Variants in DOCK2 observed in about 807,000 individuals in gnomAD.
DOCK2 encodes dedicator of cytokinesis 2, also known as dedicator of cytokinesis protein 2.
Under a neutral mutation model 248.9 loss-of-function variants are expected in DOCK2, and 87 were observed. That is an observed-to-expected ratio of 0.35 (90% CI 0.29 to 0.42). The LOEUF (loss-of-function observed/expected upper bound fraction) is 0.42. DOCK2 is among the 10% of genes least tolerant of loss of function. The pLI, the probability that DOCK2 is intolerant of heterozygous loss-of-function variation, is 1.00. For synonymous variants in DOCK2, 805 were observed against 821.6 expected (o/e 0.98, Z 0.35); for missense variants, 1,747 against 2,300.2 (o/e 0.76, Z 4.92).
chr5:169,847,776 T>C (rs557177271), intron 27 of DOCK2, among the ~76,000 whole-genome samples: 23 of 152,204 alleles, frequency 1.5e-4, no homozygotes, highest in Non-Finnish European at 2.5e-4. Context: ...AGCTACACAT[T>C]GGCTCAGTGG....
At chr5:170,022,752 C>G (rs1214416545) in intron 33 of DOCK2, among the ~76,000 whole-genome samples, 2 of 152,190 alleles carry the variant, frequency 1.3e-5, no homozygotes, top group Non-Finnish European at 2.9e-5. Context: ...TGTTCCACAG[C>G]AGACTGTGAG....
intron 44 of DOCK2, among the ~76,000 whole-genome samples, chr5:170,060,522 T>C (rs1757292759): frequency 6.6e-6 from 1 of 152,238 alleles, no homozygotes. Flanking sequence ...CTGGTTTGGC[T>C]TGCAGTTCTC....
At chr5:169,673,050 G>A (rs1759124907) in intron 5 of DOCK2, among the ~76,000 whole-genome samples, 2 of 152,114 alleles carry the variant, frequency 1.3e-5, no homozygotes, top group African/African-American at 2.4e-5. Context: ...TCATTACACA[G>A]GCATGATTGA....
intron 5 of DOCK2, 125 bp downstream of exon 5, chr5:169,671,299 C>A: frequency 1.4e-6 from 1 of 731,046 alleles, no homozygotes; most frequent in Non-Finnish European, 2.3e-6. Context: ...AGAGCGCACA[C>A]TATTACGTGT....
intron 26 of DOCK2, among the ~76,000 whole-genome samples, chr5:169,837,997 A>C (rs1422476930): frequency 6.6e-6 from 1 of 152,190 alleles, no homozygotes; most frequent in Non-Finnish European, 1.5e-5. Context: ...AATCCTGGAA[A>C]AAAAATAGCA....
chr5:170,002,921 T>C (rs1754889667), intron 30 of DOCK2, among the ~76,000 whole-genome samples: 2 of 152,190 alleles, frequency 1.3e-5, no homozygotes, highest in Non-Finnish European at 2.9e-5. Flanking sequence ...AGACAGTTTC[T>C]AGCAGGGCAG....
chr5:169,707,362 C>A (rs1442330749), intron 14 of DOCK2, among the ~76,000 whole-genome samples: 1 of 152,182 alleles, frequency 6.6e-6, no homozygotes, highest in Non-Finnish European at 1.5e-5. Flanking sequence ...TGTGTGCCAA[C>A]TTGGAAACTT....
chr5:170,047,378 A>C (rs1756751684), intron 39 of DOCK2, 132 bp from the exon 40 acceptor site: 1 of 689,718 alleles, frequency 1.4e-6, no homozygotes, highest in African/African-American at 1.8e-5. Flanking sequence ...TAGACATAGC[A>C]CAGATATGTA....
At chr5:169,946,350 G>C (rs990121659) in intron 27 of DOCK2, among the ~76,000 whole-genome samples, 4 of 152,236 alleles carry the variant, frequency 2.6e-5, no homozygotes, top group African/African-American at 9.6e-5. Flanking sequence ...GGGCGACTGA[G>C]GGGGACGAGT....
chr5:169,900,649 C>G (rs866851233), intron 27 of DOCK2, among the ~76,000 whole-genome samples: 1 of 152,114 alleles, frequency 6.6e-6, no homozygotes, highest in Non-Finnish European at 1.5e-5. Flanking sequence ...TTAGAAGCTT[C>G]GATTAGCAGT....
At position 169,808,413 on chromosome 5, in the gene DOCK2, T is replaced by C. The variant is rs1080187; in HGVS notation, c.2703+5207T>C. 3.7e-3 allele frequency among the ~76,000 whole-genome samples: 558 copies of C among 152,034 alleles called. 4 individuals are homozygous for C. Among genetic ancestry groups the C allele is most frequent in the African/African-American group, 0.013 (518 of 41,354 alleles). ...AAGCCAACCTTATTCTTTGAAACCC[T>C]GGGTGTCATGGTAGGACTCAGGGGG... On this transcript the variant is annotated intron_variant, in intron 26 of 51. Coordinates refer to ENST00000520908, the MANE Select transcript of DOCK2 (RefSeq NM_004946.3).
At chr5:169,903,105 A>G (rs1437428793) in intron 27 of DOCK2, among the ~76,000 whole-genome samples, 2 of 151,906 alleles carry the variant, frequency 1.3e-5, no homozygotes, top group East Asian at 3.9e-4. Flanking sequence ...TCAAAAAAAA[A>G]AGAAAGAAAG....
chr5:169,658,514 G>A (rs1351181428), intron 2 of DOCK2, among the ~76,000 whole-genome samples: 2 of 147,092 alleles, frequency 1.4e-5, no homozygotes, highest in South Asian at 2.2e-4. Context: ...TATTTATATA[G>A]TATCTTCACC....
At chr5:169,889,467 T>C (rs1198604522) in intron 27 of DOCK2, among the ~76,000 whole-genome samples, 1 of 152,240 alleles carries the variant, frequency 6.6e-6, no homozygotes, top group Non-Finnish European at 1.5e-5. Flanking sequence ...CAACCTCATA[T>C]GGAATCTGTT....
chr5:169,641,926 C>T (rs1021429152), intron 1 of DOCK2, among the ~76,000 whole-genome samples: 1 of 152,184 alleles, frequency 6.6e-6, no homozygotes, highest in Non-Finnish European at 1.5e-5. Flanking sequence ...GAAAGACAAC[C>T]CAAGTCAGAG....
intron 41 of DOCK2, among the ~76,000 whole-genome samples, chr5:170,051,767 G>T (rs990333926): frequency 1.3e-5 from 2 of 152,072 alleles, no homozygotes; most frequent in South Asian, 2.1e-4. Flanking sequence ...GTAAATATTT[G>T]TTGATTAATA....
intron 21 of DOCK2, among the ~76,000 whole-genome samples, chr5:169,717,879 T>C (rs1581088623): frequency 6.6e-6 from 1 of 152,064 alleles, no homozygotes. Flanking sequence ...CTGGCCAACA[T>C]GGTGAAACCC....
intron 22 of DOCK2, among the ~76,000 whole-genome samples, chr5:169,734,401 C>T (rs1040557081): frequency 2.0e-5 from 3 of 151,956 alleles, no homozygotes; most frequent in Non-Finnish European, 4.4e-5. Context: ...TTTGGGTGAC[C>T]CTGCTTCTTT....
At chr5:169,960,536 G>A (rs1777040632) in intron 27 of DOCK2, among the ~76,000 whole-genome samples, 2 of 152,168 alleles carry the variant, frequency 1.3e-5, no homozygotes, top group South Asian at 2.1e-4. Flanking sequence ...AGAAACATGA[G>A]GTTCTAAGAT....
Sources: allele counts gnomAD v4.1 joint callset (sites outside exome capture counted in the v4.1 genomes callset), GRCh38; gene constraint gnomAD v4.1.1; transcripts MANE v1.5; gene names NCBI Gene and HGNC (gene_info 2026-07-23, HGNC 2026-07-21).